NEDD9: variants seen among roughly 807,000 people sequenced by gnomAD.
NEDD9 encodes the protein enhancer of filamentation 1.
In NEDD9, 26 loss-of-function variants were observed where a neutral mutation model predicts 76.6. That is an observed-to-expected ratio of 0.34 (90% CI 0.25 to 0.47). NEDD9 has a LOEUF of 0.47. Among genes scored for constraint, NEDD9 ranks in the 20% least tolerant of loss-of-function variants. NEDD9 has a pLI of 1.00. For synonymous variants in NEDD9, 392 were observed against 414.2 expected, an observed-to-expected ratio of 0.95 and a Z score of 0.65; for missense variants, 937 against 1,058.5, an observed-to-expected ratio of 0.89 and a Z score of 1.59.
intron 3 of NEDD9, among the ~76,000 whole-genome samples, chr6:11,279,360 T>A (rs1165242244): frequency 6.6e-6 from 1 of 152,232 alleles, no homozygotes; most frequent in African/African-American, 2.4e-5. Context: ...TTGGCCCTAA[T>A]GCGGGTGCTT....
At chr6:11,340,759 C>T (rs909030879) in intron 1 of NEDD9, among the ~76,000 whole-genome samples, 1 of 152,160 alleles carries the variant, frequency 6.6e-6, no homozygotes, top group East Asian at 1.9e-4. Context: ...AATTCAGCAC[C>T]CTGCTTTTGT....
At chr6:11,315,836 G>A (rs1450869861) in intron 2 of NEDD9, among the ~76,000 whole-genome samples, 1 of 152,218 alleles carries the variant, frequency 6.6e-6, no homozygotes, top group East Asian at 1.9e-4. Flanking sequence ...AGAAGGCATA[G>A]CAACAAATAA....
chr6:11,305,126 C>CT (rs1761146822), intron 3 of NEDD9: 1 of 1,289,012 alleles, frequency 7.8e-7, no homozygotes, highest in Non-Finnish European at 1.0e-6. Context: ...GTGCCCAGAG[C>CT]TTTTTTATTT....
intron 1 of NEDD9, among the ~76,000 whole-genome samples, chr6:11,223,018 G>GTGTGCA (rs1759192517): frequency 1.3e-5 from 2 of 152,230 alleles, no homozygotes; most frequent in African/African-American, 4.8e-5. Context: ...CTGTGTGTGT[G>GTGTGCA]TGTGCATGTG....
At position 11,192,387 on chromosome 6, in the gene NEDD9, C is replaced by T; in HGVS notation, c.621G>A (p.Glu207=). 6.2e-7 allele frequency: 1 copy of T among 1,606,476 alleles called. No individual in the cohort carries two copies. The highest frequency in any genetic ancestry group is 1.1e-5 in the South Asian group (1 of 89,426). The change falls in exon 4 of 7, where the codon GAG becomes GAA. Residue 207 remains glutamate (E), a synonymous_variant. Coordinates refer to ENST00000379446, the MANE Select transcript of NEDD9 (RefSeq NM_006403.4). The part of the protein sequence containing the change: ...KGPVFSVPVG[E]IKPQGVYDIP... The stretch of plus-strand genomic sequence containing the variant: ...TGTCATACACCCCTTGAGGTTTTAT[C>T]TCTCCCACTGGAACTGAAAACACAG...
intron 2 of NEDD9, among the ~76,000 whole-genome samples, chr6:11,206,002 C>T (rs1399286900): frequency 6.6e-6 from 1 of 152,250 alleles, no homozygotes; most frequent in African/African-American, 2.4e-5. Flanking sequence ...AGCAGCACAT[C>T]TCTCTAGAAG....
chr6:11,306,406 AC>A (rs1379471237), intron 2 of NEDD9, among the ~76,000 whole-genome samples: 1 of 152,212 alleles, frequency 6.6e-6, no homozygotes, highest in African/African-American at 2.4e-5. Flanking sequence ...CACTGAACAA[AC>A]AAAAATACAG....
rs78991799 is a variant in NEDD9 at position 11,215,841 on chromosome 6, G to A, written c.13-2114C>T. Among the ~76,000 whole-genome samples, 158 of 152,324 alleles carry A rather than the reference G, an allele frequency of 1.0e-3. 2 individuals are homozygous for A. In the East Asian group the frequency reaches 0.024, roughly 23 times the overall value. ...GAAGAGAAACAGAAAACAGTAGAAA[G>A]GCAAAGGGCTACAGATCTAATCAGC... is the stretch of plus-strand genomic sequence containing the variant. On this transcript the variant is annotated intron_variant, in intron 1 of 6. Transcript: ENST00000379446.
intron 2 of NEDD9, among the ~76,000 whole-genome samples, chr6:11,323,914 A>G: frequency 6.6e-6 from 1 of 152,240 alleles, no homozygotes. Flanking sequence ...AGAACACTAG[A>G]AAAGCAGAAG....
intron 2 of NEDD9, among the ~76,000 whole-genome samples, chr6:11,307,508 G>C (rs1761224148): frequency 6.6e-6 from 1 of 152,096 alleles, no homozygotes; most frequent in Non-Finnish European, 1.5e-5. Context: ...CGCCCTGTCT[G>C]TCTATTGCTT....
intron 2 of NEDD9, among the ~76,000 whole-genome samples, chr6:11,334,178 G>T (rs577463639): frequency 2.6e-4 from 39 of 152,174 alleles, no homozygotes; most frequent in Non-Finnish European, 4.9e-4. Context: ...GTTTATAAAA[G>T]TCTGAGTAAA....
At chr6:11,330,639 G>A (rs536921450) in intron 2 of NEDD9, among the ~76,000 whole-genome samples, 19 of 152,302 alleles carry the variant, frequency 1.2e-4, no homozygotes, top group African/African-American at 3.6e-4. Flanking sequence ...GACAAGGTCC[G>A]TGACAAAGGG....
rs768547317 is a variant in NEDD9, at chr6:11,232,548, A to G, written c.-33T>C. On this transcript the variant is annotated 5_prime_UTR_variant, in exon 1 of 7. Coordinates refer to ENST00000379446, the MANE Select transcript of NEDD9 (RefSeq NM_006403.4). Reference sequence around the variant, plus strand: ...GCGGTGGGTTGAGCCGTTTTCCTACACTAGTTAAGACAGCATTAAGCACTG... The same window carrying G: ...GCGGTGGGTTGAGCCGTTTTCCTACGCTAGTTAAGACAGCATTAAGCACTG... The G allele has an allele frequency of 6.2e-7, 1 of 1,614,168 alleles. No individual in the cohort carries two copies.
At chr6:11,291,925 G>C (rs1243364217) in intron 3 of NEDD9, among the ~76,000 whole-genome samples, 1 of 152,184 alleles carries the variant, frequency 6.6e-6, no homozygotes, top group Non-Finnish European at 1.5e-5. Context: ...ATGTCTGCAT[G>C]GAGATGGTGA....
chr6:11,327,987 C>T (rs1761964116), intron 2 of NEDD9, among the ~76,000 whole-genome samples: 1 of 152,234 alleles, frequency 6.6e-6, no homozygotes, highest in South Asian at 2.1e-4. Flanking sequence ...AATGGACAGT[C>T]AAAAGCCTTC....
intron 3 of NEDD9, among the ~76,000 whole-genome samples, chr6:11,254,741 C>A (rs1357736370): frequency 1.3e-5 from 2 of 152,182 alleles, no homozygotes; most frequent in Non-Finnish European, 2.9e-5. Flanking sequence ...TTAGAAAACT[C>A]TCACAGCATT....
At chr6:11,240,289 C>T (rs575330427) in intron 3 of NEDD9, among the ~76,000 whole-genome samples, 56 of 152,060 alleles carry the variant, frequency 3.7e-4, no homozygotes, top group Non-Finnish European at 4.6e-4. Context: ...GAAGACTTGA[C>T]GAGGACCTGG....
intron 1 of NEDD9, among the ~76,000 whole-genome samples, chr6:11,343,899 A>G (rs1762319244): frequency 6.6e-6 from 1 of 152,220 alleles, no homozygotes; most frequent in African/African-American, 2.4e-5. Context: ...ATGCTATGTG[A>G]GGTGCTTCAT....
chr6:11,220,920 C>A (rs1338351792), intron 1 of NEDD9, among the ~76,000 whole-genome samples: 1 of 152,118 alleles, frequency 6.6e-6, no homozygotes. Context: ...CCAACAAAAT[C>A]TTAGGGCAAA....
Sources: gnomAD v4.1 joint callset for allele counts (sites outside exome capture counted in the v4.1 genomes callset) on GRCh38, gnomAD v4.1.1 for gene constraint, MANE v1.5 for transcripts, NCBI Gene and HGNC (gene_info 2026-07-23, HGNC 2026-07-21) for gene names.